Variants in ERICH6B observed in about 807,000 individuals in gnomAD.
ERICH6B encodes the protein glutamate rich 6B.
ERICH6B carries 69 observed loss-of-function variants against 80.0 expected under a neutral mutation model. The ratio of observed to expected loss-of-function variants is 0.86; its 90% CI spans 0.71 to 1.05. ERICH6B has a LOEUF of 1.05. Ranked by LOEUF, ERICH6B falls within the 50% of genes least tolerant of loss-of-function variation. ERICH6B has a pLI of 0.00. For synonymous variants in ERICH6B, 283 were observed against 291.9 expected (o/e 0.97, Z 0.31); for missense variants, 754 against 796.1 (o/e 0.95, Z 0.64).
chr13:45,576,448 A>AGTTTAAAAAAAACTG (rs1392184684), intron 7 of ERICH6B, among the ~76,000 whole-genome samples: 84 of 152,346 alleles, frequency 5.5e-4, no homozygotes, highest in African/African-American at 2.0e-3. Context: ...GGAAATGACC[A>AGTTTAAAAAAAACTG]GGGACATTTT....
intron 4 of ERICH6B, among the ~76,000 whole-genome samples, chr13:45,589,249 C>G (rs1451194357): frequency 6.6e-6 from 1 of 152,122 alleles, no homozygotes; most frequent in Non-Finnish European, 1.5e-5. Flanking sequence ...GTGTGGACAC[C>G]AGGAAGGCCC....
At chr13:45,603,053 G>T (rs747914430) in intron 2 of ERICH6B, among the ~76,000 whole-genome samples, 30 of 152,352 alleles carry the variant, frequency 2.0e-4, no homozygotes, top group Non-Finnish European at 4.3e-4. Flanking sequence ...ACATGGAGGA[G>T]GGGGGCCCCT....
At chr13:45,583,107 A>C (rs977182425) in intron 5 of ERICH6B, among the ~76,000 whole-genome samples, 2 of 152,166 alleles carry the variant, frequency 1.3e-5, no homozygotes, top group African/African-American at 4.8e-5. Context: ...TCTTTTCACC[A>C]ATCTTTAGTT....
At chr13:45,553,542 A>G (rs1211603417) in intron 11 of ERICH6B, among the ~76,000 whole-genome samples, 1 of 152,246 alleles carries the variant, frequency 6.6e-6, no homozygotes, top group Non-Finnish European at 1.5e-5. Flanking sequence ...CATATAACCA[A>G]CATACAGTGG....
intron 13 of ERICH6B, among the ~76,000 whole-genome samples, chr13:45,548,427 C>T (rs904896823): frequency 4.1e-4 from 63 of 152,186 alleles, no homozygotes; most frequent in African/African-American, 1.3e-3. Context: ...GATGAATTCC[C>T]TCGGGGACTA....
chr13:45,541,774 G>A (rs1873790577), intron 14 of ERICH6B, 94 bp from the exon 15 acceptor site: 2 of 1,103,036 alleles, frequency 1.8e-6, no homozygotes, highest in Admixed American at 2.2e-5. Flanking sequence ...AGGACCAAGC[G>A]TTCCCTGAGC....
intron 2 of ERICH6B, among the ~76,000 whole-genome samples, chr13:45,600,397 G>A (rs960555307): frequency 4.6e-5 from 7 of 151,842 alleles, no homozygotes; most frequent in Admixed American, 3.9e-4. Flanking sequence ...GGGTACCAGT[G>A]TAATTTTGTT....
intron 4 of ERICH6B, among the ~76,000 whole-genome samples, chr13:45,588,679 G>A (rs917893237): frequency 1.4e-4 from 21 of 152,294 alleles, no homozygotes; most frequent in African/African-American, 5.1e-4. Context: ...CACAATATTG[G>A]CCTCTCTGGT....
In ERICH6B at chr13:45,550,214, T is replaced by G; in HGVS notation, c.1493+17A>C. The G allele has an allele frequency of 6.5e-7, 1 of 1,548,452 alleles. No individual in the cohort carries two copies. Among genetic ancestry groups the G allele is most frequent in the South Asian group, 1.2e-5 (1 of 83,904 alleles). On this transcript the variant is annotated intron_variant, in intron 12 of 14. Coordinates refer to ENST00000298738, the MANE Select transcript of ERICH6B (RefSeq NM_182542.3). ...CAATATATGTCAATACGAGCATCCC[T>G]GTGCTTCTGTGGATACTGTATCTGG...
Position 45,580,628 on chromosome 13 carries a change from T to G in ERICH6B, c.894A>C (p.Glu298Asp), listed in dbSNP as rs1298694658. Reference protein sequence around the residue: ...SLKSKSETEQETTTKLAPEEH... With the variant: ...SLKSKSETEQDTTTKLAPEEH... ...CTTCCGGAGCCAGCTTCGTGGTGGT[T>G]TCTTGCTCTGTTTCTGATTTCGATT... The change falls in exon 6 of 15, where the codon GAA becomes GAC. Residue 298 changes from glutamate (E) to aspartate (D), a missense_variant. Transcript: ENST00000298738. The G allele has an allele frequency of 2.6e-6, 4 of 1,551,724 alleles. No homozygotes were observed. In the East Asian group the frequency reaches 7.3e-5, roughly 28 times the overall value.
chr13:45,566,858 G>C (rs1874935529), intron 9 of ERICH6B, among the ~76,000 whole-genome samples: 1 of 152,194 alleles, frequency 6.6e-6, no homozygotes. Context: ...ACCCCAGAAT[G>C]GTGGATCCAC....
At chr13:45,584,278 T>A (rs576579966) in intron 5 of ERICH6B, among the ~76,000 whole-genome samples, 1 of 152,280 alleles carries the variant, frequency 6.6e-6, no homozygotes, top group South Asian at 2.1e-4. Flanking sequence ...CTCCAGAGCG[T>A]CTTCTCATAT....
chr13:45,596,213 T>G (rs1261271050), intron 3 of ERICH6B, among the ~76,000 whole-genome samples, 156 bp downstream of exon 3: 1 of 152,106 alleles, frequency 6.6e-6, no homozygotes, highest in Non-Finnish European at 1.5e-5. Flanking sequence ...AGGTTTGTGC[T>G]TTTTTCCTGG....
At chr13:45,588,111 C>T (rs1472475947) in intron 4 of ERICH6B, among the ~76,000 whole-genome samples, 1 of 152,216 alleles carries the variant, frequency 6.6e-6, no homozygotes, top group Non-Finnish European at 1.5e-5. Context: ...GGCCTGTCCC[C>T]ATCTGCACCA....
At chr13:45,566,481 T>C (rs1037721192) in intron 9 of ERICH6B, among the ~76,000 whole-genome samples, 2 of 152,226 alleles carry the variant, frequency 1.3e-5, no homozygotes, top group South Asian at 4.1e-4. Context: ...CCCTGTGTTG[T>C]GTGCGGCCTA....
intron 13 of ERICH6B, among the ~76,000 whole-genome samples, chr13:45,549,085 A>T (rs1253668254): frequency 6.6e-6 from 1 of 152,152 alleles, no homozygotes; most frequent in Non-Finnish European, 1.5e-5. Flanking sequence ...GGAGTTCGAG[A>T]TCAACCTGGC....
intron 10 of ERICH6B, among the ~76,000 whole-genome samples, chr13:45,562,062 A>G (rs1412701890): frequency 6.6e-6 from 1 of 151,934 alleles, no homozygotes; most frequent in Non-Finnish European, 1.5e-5. Flanking sequence ...CACACCAATG[A>G]CTGATTGACT....
intron 10 of ERICH6B, chr13:45,563,517 C>T: frequency 1.7e-6 from 1 of 596,066 alleles, no homozygotes; most frequent in African/African-American, 1.9e-5. Context: ...CCTGCCCCTG[C>T]CACCAAGAAA....
In ERICH6B at chr13:45,541,695, A is replaced by C; in HGVS notation, c.1873-15T>G. 6.5e-7 allele frequency: 1 copy of C among 1,549,680 alleles called. No homozygotes were observed. The highest frequency in any genetic ancestry group is 8.7e-7 in the Non-Finnish European group (1 of 1,146,796). ...GGGATCACAAACTGTGGGGATTCAC[A>C]GAGGACTGGGTGAGAATGCATGCTG... On this transcript the variant is annotated splice_polypyrimidine_tract_variant and intron_variant, in intron 14 of 14. Transcript: ENST00000298738.
Sources: gnomAD v4.1 joint callset for allele counts (sites outside exome capture counted in the v4.1 genomes callset) on GRCh38, gnomAD v4.1.1 for gene constraint, MANE v1.5 for transcripts, NCBI Gene and HGNC (gene_info 2026-07-23, HGNC 2026-07-21) for gene names.